The following ANKS1A variants were observed in gnomAD, a reference collection of about 807,000 sequenced individuals.
ANKS1A encodes the protein ankyrin repeat and SAM domain-containing protein 1A.
A neutral mutation model predicts 120.3 loss-of-function variants in ANKS1A; 55 were observed. The observed-to-expected ratio is 0.46, with a 90% CI of 0.37 to 0.57. The LOEUF is 0.57. ANKS1A is among the 20% of genes least tolerant of loss of function. ANKS1A has a pLI of 0.00. For missense variants in ANKS1A, 1,123 were observed against 1,480.3 expected (o/e 0.76, Z 3.96); for synonymous variants, 590 against 604.7 (o/e 0.98, Z 0.36).
chr6:35,000,599 A>G lies in ANKS1A; in HGVS notation c.1423+6177A>G, dbSNP rs188390843. ...GTTTAAAGAAAAAAATGTTTGTAAT[A>G]AGTCAGAAAGTTGAGACATGTTGAA... is the stretch of plus-strand genomic sequence containing the variant. On this transcript the variant is annotated intron_variant, in intron 10 of 23. Transcript: ENST00000360359. Among the ~76,000 whole-genome samples the G allele has an allele frequency of 3.2e-3, 492 of 152,292 alleles. 2 individuals are homozygous for G. The highest frequency in any genetic ancestry group is 5.6e-3 in the Non-Finnish European group (378 of 68,022).
intron 11 of ANKS1A, among the ~76,000 whole-genome samples, chr6:35,024,800 G>A (rs1774528235): frequency 6.6e-6 from 1 of 152,210 alleles, no homozygotes. Flanking sequence ...CTCCATAGAG[G>A]CTTTGGCTGC....
At position 35,090,620 on chromosome 6, in the gene ANKS1A, T is replaced by C. The variant is rs1228709522; in HGVS notation, c.*2011T>C. On this transcript the variant is annotated 3_prime_UTR_variant, in exon 24 of 24. Coordinates refer to ENST00000360359, the MANE Select transcript of ANKS1A (RefSeq NM_015245.3). ...TTTCTGAATATTCAAGAAAGGAAAA[T>C]GACTGGGCCTTTCTTTCTTTTCTTC... The C allele has an allele frequency of 1.0e-6, 1 of 991,708 alleles. No homozygotes were observed. Among genetic ancestry groups the C allele is most frequent in the Non-Finnish European group, 1.2e-6 (1 of 833,866 alleles). 61.4% of individuals were successfully genotyped at this position (991,708 alleles called of 1,614,324 possible).
chr6:34,942,457 C>T (rs552775672), intron 1 of ANKS1A, among the ~76,000 whole-genome samples: 2 of 152,274 alleles, frequency 1.3e-5, no homozygotes, highest in African/African-American at 2.4e-5. Context: ...CCAGTGTTTA[C>T]GTTTCATACT....
Position 35,017,494 on chromosome 6 carries a change from G to A in ANKS1A, c.1445G>A (p.Ser482Asn), listed in dbSNP as rs1397057838. ...CAAGACCACAGGCGGAGCAGCAGCA[G>A]CCGGAGCCAGGACTCTGCGGAGGGG... ...KTKDHRRSSS[S>N]RSQDSAEGQD... The change falls in exon 11 of 24, where the codon AGC becomes AAC. Residue 482 changes from serine (S) to asparagine (N), a missense_variant. Transcript: ENST00000360359. 6.2e-7 allele frequency: 1 copy of A among 1,608,300 alleles called. No individual in the cohort carries two copies. The highest frequency in any genetic ancestry group is 8.5e-7 in the Non-Finnish European group (1 of 1,176,806).
rs188893998 is a variant in ANKS1A, at chr6:35,052,828, C to T, written c.2011-1271C>T. 5.7e-3 allele frequency among the ~76,000 whole-genome samples: 868 copies of T among 152,216 alleles called. 5 individuals are homozygous for T. The highest frequency in any genetic ancestry group is 9.7e-3 in the Non-Finnish European group (663 of 68,014). Reference sequence around the variant, plus strand: ...TATCCTTCCTCCCTGTGCCTCTGGGCTGCTGGGGCCAGTGTTTAGAGACAC... The same window carrying T: ...TATCCTTCCTCCCTGTGCCTCTGGGTTGCTGGGGCCAGTGTTTAGAGACAC... On this transcript the variant is annotated intron_variant, in intron 11 of 23. Transcript: ENST00000360359.
At chr6:34,983,022 G>A (rs1771981654) in intron 5 of ANKS1A, 91 bp from the exon 6 acceptor site, 2 of 1,358,998 alleles carry the variant, frequency 1.5e-6, no homozygotes, top group Admixed American at 1.8e-5. Context: ...TGGCCATGCT[G>A]CTGACAGCCT....
intron 11 of ANKS1A, among the ~76,000 whole-genome samples, chr6:35,040,137 T>C (rs1388122348): frequency 6.6e-6 from 1 of 152,220 alleles, no homozygotes; most frequent in Non-Finnish European, 1.5e-5. Context: ...GAAGGTATCT[T>C]CATCAAGGGC....
At chr6:34,929,201 G>A (rs1768855890) in intron 1 of ANKS1A, among the ~76,000 whole-genome samples, 1 of 152,150 alleles carries the variant, frequency 6.6e-6, no homozygotes, top group Non-Finnish European at 1.5e-5. Context: ...GAGTACTGTT[G>A]GTACTAGCAG....
chr6:35,012,878 T>C (rs1292203950), intron 10 of ANKS1A, among the ~76,000 whole-genome samples: 1 of 152,088 alleles, frequency 6.6e-6, no homozygotes, highest in Non-Finnish European at 1.5e-5. Context: ...TCCTTGTTTC[T>C]CTCCTAGAAG....
intron 2 of ANKS1A, among the ~76,000 whole-genome samples, chr6:34,967,691 A>G (rs1770970644): frequency 6.6e-6 from 1 of 152,098 alleles, no homozygotes; most frequent in East Asian, 1.9e-4. Context: ...GAGTGACCCT[A>G]TCTCTAAAAA....
intron 3 of ANKS1A, among the ~76,000 whole-genome samples, chr6:34,974,715 T>C (rs1024041066): frequency 6.6e-6 from 1 of 152,176 alleles, no homozygotes; most frequent in Admixed American, 6.5e-5. Context: ...TTCTGTAAAA[T>C]ACGGCACTAT....
At chr6:34,951,251 A>G (rs922595932) in intron 1 of ANKS1A, among the ~76,000 whole-genome samples, 3 of 151,988 alleles carry the variant, frequency 2.0e-5, no homozygotes, top group African/African-American at 7.2e-5. Context: ...TTTATATTTT[A>G]AATTATTTAT....
chr6:34,895,776 CTTTCTTTT>C (rs1767039215), intron 1 of ANKS1A, among the ~76,000 whole-genome samples: 2 of 101,966 alleles, frequency 2.0e-5, no homozygotes, highest in Admixed American at 1.9e-4. Context: ...TCAAGAATGT[CTTTCTTTT>C]TTTTTTTTTT....
At chr6:34,980,435 GA>G (rs1771846792) in intron 3 of ANKS1A, among the ~76,000 whole-genome samples, 1 of 152,192 alleles carries the variant, frequency 6.6e-6, no homozygotes. Flanking sequence ...GGTATAGTTG[GA>G]AAAAATGATG....
intron 1 of ANKS1A, among the ~76,000 whole-genome samples, chr6:34,955,149 T>C (rs1230074524): frequency 3.3e-5 from 5 of 151,892 alleles, no homozygotes; most frequent in Non-Finnish European, 1.5e-5. Context: ...CTTTTCTTTT[T>C]TTTTTGAGAC....
chr6:34,924,921 G>A (rs1350655259), intron 1 of ANKS1A, among the ~76,000 whole-genome samples: 1 of 152,140 alleles, frequency 6.6e-6, no homozygotes, highest in Non-Finnish European at 1.5e-5. Context: ...ACGCCTGGCC[G>A]ATTTCAGGAG....
chr6:35,071,656 G>A (rs1379574675), intron 13 of ANKS1A, among the ~76,000 whole-genome samples: 1 of 152,210 alleles, frequency 6.6e-6, no homozygotes, highest in African/African-American at 2.4e-5. Flanking sequence ...ATACCGCTGA[G>A]GTACCAGATG....
chr6:35,000,285 G>A (rs1293876879), intron 10 of ANKS1A, among the ~76,000 whole-genome samples: 1 of 150,198 alleles, frequency 6.7e-6, no homozygotes, highest in Non-Finnish European at 1.5e-5. Flanking sequence ...CCAATTCTAA[G>A]TTAATTTAGA....
intron 11 of ANKS1A, among the ~76,000 whole-genome samples, chr6:35,023,989 G>A (rs998355507): frequency 1.3e-5 from 2 of 151,696 alleles, no homozygotes; most frequent in East Asian, 1.9e-4. Flanking sequence ...TAAAGTAATG[G>A]CATCCAGTGT....
Sources: gnomAD v4.1 joint callset for allele counts (sites outside exome capture counted in the v4.1 genomes callset) on GRCh38, gnomAD v4.1.1 for gene constraint, MANE v1.5 for transcripts, NCBI Gene and HGNC (gene_info 2026-07-23, HGNC 2026-07-21) for gene names.